Variants in XCR1 observed in about 807,000 individuals in gnomAD.
XCR1 encodes the protein X-C motif chemokine receptor 1.
For synonymous variants in XCR1, 187 were observed against 188.5 expected (o/e 0.99, Z 0.06); for missense variants, 356 against 424.2 (o/e 0.84, Z 1.41).
At position 46,079,249 on chromosome 3, in the gene XCR1, A is replaced by AC. The variant is rs1289495423; in HGVS notation, c.-514-2324dup. Among the ~76,000 whole-genome samples the AC allele has an allele frequency of 1.3e-5, 2 of 152,154 alleles. 1 individual carries two copies. Among genetic ancestry groups the AC allele is most frequent in the Non-Finnish European group, 2.9e-5 (2 of 68,030 alleles). On this transcript the variant is annotated intron_variant, in intron 1 of 5. Transcript: ENST00000683768. ...CTCTTGTAAATATCTAGGAAAACGG[A>AC]CCCATATAGCCCAGGATGATCATCA...
At chr3:46,029,578 T>C (rs1421919952), upstream of XCR1, among the ~76,000 whole-genome samples, 1 of 152,236 alleles carries the variant, frequency 6.6e-6, no homozygotes, top group Non-Finnish European at 1.5e-5. Context: ...GATAGTCATA[T>C]ACAAGACAAA....
Position 46,023,595 on chromosome 3 carries a change from A to G in XCR1, c.-31-1617T>C, listed in dbSNP as rs375898911. The G allele has an allele frequency of 1.6e-5, 22 of 1,396,138 alleles. No homozygotes were observed. The African/African-American group carries it at 3.0e-4, about 19-fold the overall frequency. The allele number at this position is 1,396,138 out of a possible 1,614,324, so 86.5% of individuals were successfully genotyped here. A position where few individuals can be genotyped will look rare whatever the true frequency, so the allele number is the denominator to read the frequency against. On this transcript the variant is annotated intron_variant, in intron 1 of 1. Transcript: ENST00000309285. ...AGGATGTAGCTGCCCATCTTCAGGC[A>G]TCTCACAAACTCTCTGCCGAGGATG...
At chr3:46,044,223 G>C (rs1697585242) in intron 5 of XCR1, among the ~76,000 whole-genome samples, 2 of 152,174 alleles carry the variant, frequency 1.3e-5, no homozygotes, top group Admixed American at 1.3e-4. Flanking sequence ...CTGACCTCAG[G>C]TGATCTGCTC....
chr3:46,027,532 G>A (rs1708319800), upstream of XCR1: 6 of 151,804 alleles, frequency 4.0e-5, no homozygotes, highest in Admixed American at 4.0e-4. Context: ...GGAGGAGGAT[G>A]GGAGGAGTCT....
intron 3 of XCR1, among the ~76,000 whole-genome samples, chr3:46,069,422 T>C (rs1158792396): frequency 1.3e-5 from 2 of 152,156 alleles, no homozygotes; most frequent in Non-Finnish European, 2.9e-5. Context: ...CTACAGACCC[T>C]GCAGACATCA....
chr3:46,023,609 C>T (rs1708215869), intron 1 of XCR1: 1 of 1,375,974 alleles, frequency 7.3e-7, no homozygotes. Flanking sequence ...CACAAACTCT[C>T]TGCCGAGGAT....
intron 5 of XCR1, among the ~76,000 whole-genome samples, chr3:46,040,305 G>T (rs1185605169): frequency 6.6e-6 from 1 of 152,084 alleles, no homozygotes; most frequent in South Asian, 2.1e-4. Flanking sequence ...GTTATATTAA[G>T]TGTTGTAAGC....
At chr3:46,051,802 G>T (rs1327351510) in intron 5 of XCR1, among the ~76,000 whole-genome samples, 1 of 152,170 alleles carries the variant, frequency 6.6e-6, no homozygotes, top group Non-Finnish European at 1.5e-5. Context: ...TGAGGCAGGC[G>T]GATCACGAGG....
At chr3:46,046,958 T>C (rs867719165) in intron 5 of XCR1, among the ~76,000 whole-genome samples, 2 of 152,242 alleles carry the variant, frequency 1.3e-5, no homozygotes, top group South Asian at 4.1e-4. Context: ...TTTAAGTTGG[T>C]TACACAAATA....
In XCR1 at chr3:46,048,005, T is replaced by A. The variant is rs187948649; in HGVS notation, c.-32+5915A>T. On this transcript the variant is annotated intron_variant, in intron 5 of 5. Transcript: ENST00000683768. ...ATGGTTGATTAGCACACCAGTTACG[T>A]TAATAGAACCAAGACTTAATAAGTA... Among the ~76,000 whole-genome samples, 284 of 152,322 alleles carry A rather than the reference T, an allele frequency of 1.9e-3. 1 individual carries two copies. Among genetic ancestry groups the A allele is most frequent in the Non-Finnish European group, 3.5e-3 (236 of 68,028 alleles).
At position 46,034,119 on chromosome 3, in the gene XCR1, C is replaced by T. The variant is rs573450615; in HGVS notation, c.-31-12141G>A. Reference sequence around the variant, plus strand: ...TCTGGAGTAGCTGGGATTACAGGTGCCTGCCCTCATGCCCAGCTAATTTTT... The same window carrying T: ...TCTGGAGTAGCTGGGATTACAGGTGTCTGCCCTCATGCCCAGCTAATTTTT... On this transcript the variant is annotated intron_variant, in intron 5 of 5. Coordinates refer to the XCR1 transcript ENST00000683768. Among the ~76,000 whole-genome samples, 6 of 152,114 alleles carry T rather than the reference C, an allele frequency of 3.9e-5. No individual in the cohort carries two copies. The South Asian group carries it at 1.2e-3, about 32-fold the overall frequency.
chr3:46,057,119 A>C (rs1470041319), intron 4 of XCR1, among the ~76,000 whole-genome samples: 1 of 152,218 alleles, frequency 6.6e-6, no homozygotes, highest in African/African-American at 2.4e-5. Flanking sequence ...ATAATGTATG[A>C]TTCCATTGTT....
chr3:46,081,727 G>A (rs1411968425), intron 1 of XCR1, among the ~76,000 whole-genome samples: 2 of 150,190 alleles, frequency 1.3e-5, no homozygotes, highest in African/African-American at 4.9e-5. Context: ...TTCTAGATTT[G>A]GGGATACACA....
At position 46,021,526 on chromosome 3, in the gene XCR1, G is replaced by C; in HGVS notation, c.422C>G (p.Pro141Arg). 5 of 1,611,246 alleles carry C rather than the reference G, an allele frequency of 3.1e-6. No homozygotes were observed. The highest frequency in any genetic ancestry group is 4.2e-6 in the Non-Finnish European group (5 of 1,178,564). Residue 141 changes from proline (P) to arginine (R), a missense_variant, in exon 2 of 2, where the codon CCC (proline) becomes CGC (arginine). Physicochemically the swap from Pro to Arg is moderately radical, Grantham distance 103. Transcript: ENST00000309285. This position sits in a 1 kb window ranked among gnomAD's most constrained non-coding sequence, Gnocchi z 4.7. ...VVSPLSTLRV[P>R]TLRCRVLVTM... is the part of the protein sequence containing the mutation. ...CACCAGCACCCGGCAGCGGAGGGTG[G>C]GGACGCGCAGGGTGGAGAGGGGGCT...
chr3:46,047,066 A>G (rs1006845697), intron 5 of XCR1, among the ~76,000 whole-genome samples: 4 of 128,918 alleles, frequency 3.1e-5, no homozygotes, highest in Admixed American at 2.3e-4. Context: ...TTGCCACTTC[A>G]GTTTGTAACT....
intron 1 of XCR1, among the ~76,000 whole-genome samples, chr3:46,079,889 T>C (rs755779469): frequency 1.3e-5 from 2 of 152,108 alleles, no homozygotes; most frequent in Non-Finnish European, 2.9e-5. Context: ...AAAGGCAATC[T>C]GGAAAAATCC....
Position 46,019,321 on chromosome 3 carries a change from T to C in XCR1, c.*1625A>G, listed in dbSNP as rs564178132. ...AGGATAATAACAGCTGTTGATTCTT[T>C]GCTCCCACTGAGCACACAGTGATAG... On this transcript the variant is annotated 3_prime_UTR_variant, in exon 2 of 2. Coordinates refer to ENST00000309285, the MANE Select transcript of XCR1 (RefSeq NM_001024644.2). The C allele has an allele frequency of 6.6e-6, 1 of 152,316 alleles. No homozygotes were observed. The highest frequency in any genetic ancestry group is 1.9e-4 in the East Asian group (1 of 5,186). The allele number at this position is 152,316 out of a possible 1,614,324, so 9.4% of individuals were successfully genotyped here.
At chr3:46,046,646 T>G (rs1697634280) in intron 5 of XCR1, among the ~76,000 whole-genome samples, 4 of 152,222 alleles carry the variant, frequency 2.6e-5, no homozygotes, top group Admixed American at 2.6e-4. Flanking sequence ...GCTCTCATTT[T>G]TTGATTGGCA....
intron 2 of XCR1, among the ~76,000 whole-genome samples, chr3:46,075,032 C>T (rs1219902103): frequency 6.6e-6 from 1 of 152,026 alleles, no homozygotes; most frequent in Non-Finnish European, 1.5e-5. Context: ...TAACTGGAAA[C>T]TATTTCAAAT....
Sources: gnomAD v4.1 joint callset for allele counts (sites outside exome capture counted in the v4.1 genomes callset) on GRCh38, gnomAD v4.1.1 for gene constraint, Gnocchi (gnomAD v3.1) non-coding constraint, MANE v1.5 for transcripts, NCBI Gene and HGNC (gene_info 2026-07-23, HGNC 2026-07-21) for gene names.